Variants in AUTS2 observed in about 807,000 individuals in gnomAD.
AUTS2 encodes the protein activator of transcription and developmental regulator AUTS2.
A neutral mutation model predicts 112.4 loss-of-function variants in AUTS2; 17 were observed. The observed-to-expected ratio is 0.15, with a 90% CI of 0.10 to 0.23. The LOEUF (loss-of-function observed/expected upper bound fraction) is 0.23. Ranked by LOEUF, AUTS2 falls within the 10% of genes least tolerant of loss-of-function variation. AUTS2 has a pLI of 1.00. For missense variants in AUTS2, 1,510 were observed against 1,701.6 expected (o/e 0.89, Z 1.98); for synonymous variants, 751 against 702.7 (o/e 1.07, Z -1.09).
chr7:70,637,909 C>A (rs895395165), intron 5 of AUTS2, among the ~76,000 whole-genome samples: 2 of 152,212 alleles, frequency 1.3e-5, no homozygotes, highest in Admixed American at 6.5e-5. Flanking sequence ...TCCCTCCCCT[C>A]CTTTCTTTAG....
At chr7:69,697,461 C>T (rs1797606288) in intron 1 of AUTS2, among the ~76,000 whole-genome samples, 1 of 152,148 alleles carries the variant, frequency 6.6e-6, no homozygotes, top group African/African-American at 2.4e-5. Context: ...ACCCACCAAT[C>T]GTGATTCAAT....
intron 4 of AUTS2, among the ~76,000 whole-genome samples, chr7:70,183,614 G>A (rs970249637): frequency 4.6e-5 from 7 of 152,052 alleles, no homozygotes; most frequent in African/African-American, 1.7e-4. Flanking sequence ...CGCTAACCAC[G>A]GGGAGCTGGT....
chr7:70,404,597 G>A (rs1296148647), intron 4 of AUTS2, among the ~76,000 whole-genome samples: 1 of 152,102 alleles, frequency 6.6e-6, no homozygotes, highest in Non-Finnish European at 1.5e-5. Context: ...CGGTTATTTG[G>A]ACACCTGGAG....
At chr7:70,063,673 T>A (rs1346912741) in intron 2 of AUTS2, among the ~76,000 whole-genome samples, 1 of 152,172 alleles carries the variant, frequency 6.6e-6, no homozygotes, top group East Asian at 1.9e-4. Context: ...TTCAGGGCCA[T>A]TTTGCCTGAG....
rs773570392 is a variant in AUTS2 at position 70,789,954 on chromosome 7, A to G, written c.2738A>G (p.Glu913Gly). ...GCCGCCGACGAGCACAAGGCGAAAG[A>G]GGGCCACCTGCCCGAGAAGGACGGG... ...DLAADEHKAKEGHLPEKDGHG... is the reference protein window; with the variant it reads ...DLAADEHKAKGGHLPEKDGHG... Residue 913 changes from glutamate (E) to glycine (G), a missense_variant, in exon 19 of 19, where the codon GAG becomes GGG. By Grantham distance (98) the Glu-to-Gly change is moderately conservative. This residue lies in a region of AUTS2 where 788 missense variants were observed against 797.6 expected (regional missense o/e 0.99). Coordinates refer to ENST00000342771, the MANE Select transcript of AUTS2 (RefSeq NM_015570.4). 3.1e-6 allele frequency: 5 copies of G among 1,613,590 alleles called. No homozygotes were observed. In the African/African-American group the frequency reaches 4.0e-5, roughly 13 times the overall value.
intron 5 of AUTS2, among the ~76,000 whole-genome samples, chr7:70,501,386 C>T (rs1562998640): frequency 1.3e-5 from 2 of 152,128 alleles, no homozygotes; most frequent in Non-Finnish European, 2.9e-5. Flanking sequence ...CTCCTTCTAG[C>T]CTATGAGATA....
At chr7:69,840,786 T>G (rs1222249396) in intron 1 of AUTS2, among the ~76,000 whole-genome samples, 1 of 152,214 alleles carries the variant, frequency 6.6e-6, no homozygotes, top group Non-Finnish European at 1.5e-5. Flanking sequence ...CTGTCTTTAC[T>G]GAGAAACTGT....
rs368083140 is a variant in AUTS2, at chr7:70,615,565, C to CG, written c.691-83004_691-83003insG. 5.8e-3 allele frequency among the ~76,000 whole-genome samples: 866 copies of CG among 148,590 alleles called. 8 individuals carry two copies. The highest frequency in any genetic ancestry group is 0.021 in the African/African-American group (834 of 40,296). ...AAAAAAACCTCTAGAAGATTTATGG[C>CG]TTGTTGTTGTTGTTGTTGTTGTTGT... On this transcript the variant is annotated intron_variant, in intron 5 of 18. Coordinates refer to ENST00000342771, the MANE Select transcript of AUTS2 (RefSeq NM_015570.4).
At chr7:70,262,862 A>C (rs1787236882) in intron 4 of AUTS2, among the ~76,000 whole-genome samples, 1 of 152,186 alleles carries the variant, frequency 6.6e-6, no homozygotes. Context: ...ATTCTGGGTC[A>C]CCAAGGGCCT....
intron 1 of AUTS2, among the ~76,000 whole-genome samples, chr7:69,681,057 C>T (rs187326977): frequency 2.5e-3 from 381 of 152,338 alleles, no homozygotes; most frequent in Non-Finnish European, 4.7e-3. Context: ...AGCACAATGT[C>T]TTCAAAGTTC....
intron 4 of AUTS2, among the ~76,000 whole-genome samples, chr7:70,379,028 T>G (rs1793245821): frequency 6.6e-6 from 1 of 152,330 alleles, no homozygotes; most frequent in South Asian, 2.1e-4. Context: ...CTAGCACTGC[T>G]GTTATGAATT....
At chr7:70,267,279 T>C (rs1256884961) in intron 4 of AUTS2, among the ~76,000 whole-genome samples, 1 of 89,614 alleles carries the variant, frequency 1.1e-5, no homozygotes, top group Non-Finnish European at 2.4e-5. Flanking sequence ...TAAATGTTTC[T>C]TTTTTTTTTT....
chr7:70,064,033 CA>C (rs1260848826), intron 2 of AUTS2, among the ~76,000 whole-genome samples: 1 of 152,198 alleles, frequency 6.6e-6, no homozygotes, highest in Non-Finnish European at 1.5e-5. Flanking sequence ...CATTCTATTA[CA>C]GAAGAGCCAA....
At chr7:69,863,373 AT>A (rs1388241864) in intron 1 of AUTS2, among the ~76,000 whole-genome samples, 2 of 152,104 alleles carry the variant, frequency 1.3e-5, no homozygotes, top group African/African-American at 4.8e-5. Context: ...TTATATGCAA[AT>A]TTTACAAAGG....
At chr7:69,921,393 AAAAAACATC>A (rs1468947284) in intron 2 of AUTS2, among the ~76,000 whole-genome samples, 8 of 151,560 alleles carry the variant, frequency 5.3e-5, no homozygotes, top group Admixed American at 5.3e-4. Context: ...TAAAAGAAAC[AAAAAACATC>A]ACGGTGGGAA....
At chr7:70,256,955 A>G (rs924255054) in intron 4 of AUTS2, among the ~76,000 whole-genome samples, 1 of 152,146 alleles carries the variant, frequency 6.6e-6, no homozygotes, top group African/African-American at 2.4e-5. Context: ...AATCCAGCAC[A>G]TCTCATATTG....
intron 2 of AUTS2, among the ~76,000 whole-genome samples, chr7:69,935,775 T>C (rs983172435): frequency 9.2e-5 from 14 of 152,136 alleles, no homozygotes; most frequent in African/African-American, 3.4e-4. Flanking sequence ...GAGTTGAGAA[T>C]AGAGCAGGCT....
intron 4 of AUTS2, among the ~76,000 whole-genome samples, chr7:70,414,904 A>G (rs565356250): frequency 6.7e-4 from 102 of 152,372 alleles, no homozygotes; most frequent in African/African-American, 2.4e-3. Context: ...AGCCTGGAAC[A>G]GAGGGTAACA....
intron 5 of AUTS2, among the ~76,000 whole-genome samples, chr7:70,635,934 A>C (rs1166518847): frequency 6.6e-6 from 1 of 152,182 alleles, no homozygotes; most frequent in African/African-American, 2.4e-5. Context: ...AGAGGCAGAG[A>C]GGTACTGGCT....
Sources: gnomAD v4.1 joint callset for allele counts (sites outside exome capture counted in the v4.1 genomes callset) on GRCh38, gnomAD v4.1.1 for gene constraint, gnomAD v4.1.1 regional missense constraint, MANE v1.5 for transcripts, NCBI Gene and HGNC (gene_info 2026-07-23, HGNC 2026-07-21) for gene names.